The following CAVIN2 variants were observed in gnomAD, a reference collection of about 807,000 sequenced individuals.
CAVIN2 encodes the protein caveolae associated protein 2.
A neutral mutation model predicts 11.7 loss-of-function variants in CAVIN2; 13 were observed. That is an observed-to-expected ratio of 1.11 (90% CI 0.72 to 1.77). The LOEUF (loss-of-function observed/expected upper bound fraction) is 1.77. Among genes scored for constraint, CAVIN2 ranks in the 40% most tolerant of loss-of-function variants. CAVIN2 has a pLI of 0.00. For synonymous variants in CAVIN2, 237 were observed against 223.2 expected, an observed-to-expected ratio of 1.06 and a Z score of -0.55; for missense variants, 549 against 542.9, an observed-to-expected ratio of 1.01 and a Z score of -0.11.
chr2:191,846,628 G>A lies in CAVIN2; in HGVS notation c.298C>T (p.Leu100Phe), dbSNP rs150028543. ...VKGIQNDLTK[L>F]SKYQASTSNT... ...CTGGTGGAGGCCTGGTACTTGGAGA[G>A]CTTGGTGAGGTCATTCTGGATGCCC... The change falls in exon 1 of 2, where the codon CTC becomes TTC. Residue 100 changes from leucine (L) to phenylalanine (F), a missense_variant. Transcript: ENST00000304141. 38 of 1,614,254 alleles carry A rather than the reference G, an allele frequency of 2.4e-5. No homozygotes were observed. Among genetic ancestry groups the A allele is most frequent in the Admixed American group, 5.0e-5 (3 of 60,028 alleles).
intron 1 of CAVIN2, among the ~76,000 whole-genome samples, chr2:191,837,943 C>T (rs1308998925): frequency 2.0e-5 from 3 of 152,140 alleles, no homozygotes; most frequent in African/African-American, 7.2e-5. Flanking sequence ...CAGATATGAA[C>T]AAGAGATTTG....
intron 1 of CAVIN2, among the ~76,000 whole-genome samples, chr2:191,839,749 A>G (rs1388328370): frequency 1.3e-5 from 2 of 152,208 alleles, no homozygotes; most frequent in African/African-American, 4.8e-5. Context: ...TTTTAATTAC[A>G]CAAACAGGAT....
rs776133100 is a variant in CAVIN2, at chr2:191,835,962, G to T, written c.1239C>A (p.Pro413=). 3.1e-6 allele frequency: 5 copies of T among 1,613,790 alleles called. No homozygotes were observed. The South Asian group carries it at 5.5e-5, about 18-fold the overall frequency. The part of the protein sequence containing the change: ...SEEAERSDGD[P]VQPAVLQVHQ... ...GCACCTGGAGCACGGCGGGCTGCAC[G>T]GGGTCCCCATCGGAGCGCTCCGCCT... Residue 413 remains proline (P), a synonymous_variant, in exon 2 of 2, where the codon CCC becomes CCA. Coordinates refer to ENST00000304141, the MANE Select transcript of CAVIN2 (RefSeq NM_004657.6).
At position 191,836,164 on chromosome 2, in the gene CAVIN2, A is replaced by G; in HGVS notation, c.1037T>C (p.Leu346Pro). The change falls in exon 2 of 2, where the codon CTG (leucine) becomes CCG (proline). Residue 346 changes from leucine to proline, a missense_variant. Coordinates refer to ENST00000304141, the MANE Select transcript of CAVIN2 (RefSeq NM_004657.6). ...CTCCTCTGCAATTTCCCCTTCCACC[A>G]GAGCGCTGGCGAGGGACGCTTCGGA... ...GHSEASLASA[L>P]VEGEIAEEAA... is the part of the protein sequence containing the mutation. 2 of 1,614,112 alleles carry G rather than the reference A, an allele frequency of 1.2e-6. No homozygotes were observed.
intron 1 of CAVIN2, among the ~76,000 whole-genome samples, chr2:191,843,717 C>T (rs1038591440): frequency 6.6e-6 from 1 of 152,142 alleles, no homozygotes; most frequent in Admixed American, 6.5e-5. Context: ...TACCCAAGGA[C>T]CATATTTCTA....
In CAVIN2 at chr2:191,846,746, C is replaced by A; in HGVS notation, c.180G>T (p.Thr60=). Residue 60 remains threonine (T), a synonymous_variant, in exon 1 of 2, where the codon ACG becomes ACT. Transcript: ENST00000304141. ...GCATGTTCACCAGCTTGTCCAGGAG[C>A]GTGAGCACCGTGACTGCGTTCACCT... ...NSQVNAVTVL[T]LLDKLVNMLD... 1.2e-6 allele frequency: 2 copies of A among 1,614,190 alleles called. No individual in the cohort carries two copies. Among genetic ancestry groups the A allele is most frequent in the African/African-American group, 1.3e-5 (1 of 75,030 alleles).
chr2:191,838,529 C>T (rs907868311), intron 1 of CAVIN2, among the ~76,000 whole-genome samples: 3 of 152,156 alleles, frequency 2.0e-5, no homozygotes, highest in African/African-American at 7.2e-5. Flanking sequence ...TCCCAAAACT[C>T]TCTCCACACT....
rs1689986137 is a variant in CAVIN2 at position 191,834,697 on chromosome 2, T to G, written c.*1226A>C. The G allele has an allele frequency of 6.6e-6, 1 of 152,134 alleles. No individual in the cohort carries two copies. The highest frequency in any genetic ancestry group is 6.5e-5 in the Admixed American group (1 of 15,280). 9.4% of individuals were successfully genotyped at this position (152,134 alleles called of 1,614,324 possible). A position where few individuals can be genotyped will look rare whatever the true frequency, so the allele number is the denominator to read the frequency against. The stretch of plus-strand genomic sequence containing the variant: ...ATATGTGTACATATACATAAAACGC[T>G]AGCATGCTTTAAGAAGTTAAGAAAT... On this transcript the variant is annotated 3_prime_UTR_variant, in exon 2 of 2. Coordinates refer to ENST00000304141, the MANE Select transcript of CAVIN2 (RefSeq NM_004657.6).
intron 1 of CAVIN2, 42 bp downstream of exon 1, chr2:191,846,401 G>A: frequency 1.3e-6 from 2 of 1,555,572 alleles, no homozygotes; most frequent in Non-Finnish European, 8.7e-7. Flanking sequence ...AGAATGATAA[G>A]GAGTTCCAGC....
chr2:191,845,029 G>A (rs1305334499), intron 1 of CAVIN2, among the ~76,000 whole-genome samples: 1 of 152,192 alleles, frequency 6.6e-6, no homozygotes, highest in Admixed American at 6.5e-5. Context: ...TGGCTTGAGA[G>A]CTGAGATTTC....
intron 1 of CAVIN2, among the ~76,000 whole-genome samples, chr2:191,844,535 C>T (rs73981764): frequency 0.015 from 2,242 of 152,128 alleles, 55 homozygotes; most frequent in African/African-American, 0.052. Flanking sequence ...GAATGGAGTC[C>T]GAGCACATTT....
intron 1 of CAVIN2, among the ~76,000 whole-genome samples, chr2:191,837,610 G>T (rs1690041514): frequency 1.3e-5 from 2 of 152,138 alleles, no homozygotes; most frequent in South Asian, 2.1e-4. Flanking sequence ...GGCAAAGATG[G>T]CTCCTCTTGG....
chr2:191,843,145 T>C (rs1690116483), intron 1 of CAVIN2, among the ~76,000 whole-genome samples: 1 of 152,078 alleles, frequency 6.6e-6, no homozygotes, highest in Non-Finnish European at 1.5e-5. Context: ...GATTCCACCA[T>C]TGCACTCCAG....
intron 1 of CAVIN2, among the ~76,000 whole-genome samples, chr2:191,840,358 G>T (rs769850324): frequency 1.9e-4 from 29 of 152,148 alleles, no homozygotes; most frequent in Non-Finnish European, 3.5e-4. Context: ...TGGTAGTTCT[G>T]CCCAGTAGAG....
chr2:191,836,917 GC>G (rs1690031013), intron 1 of CAVIN2, among the ~76,000 whole-genome samples, 200 bp from the exon 2 acceptor site: 2 of 152,226 alleles, frequency 1.3e-5, no homozygotes, highest in South Asian at 4.1e-4. Flanking sequence ...GCCAAGGGCA[GC>G]CTGTTGGGAA....
intron 1 of CAVIN2, 108 bp downstream of exon 1, chr2:191,846,335 C>T: frequency 7.5e-7 from 1 of 1,328,246 alleles, no homozygotes; most frequent in Non-Finnish European, 1.0e-6. Flanking sequence ...ATGTGTGATC[C>T]CTGACAGGCA....
chr2:191,840,257 C>T (rs1249490821), intron 1 of CAVIN2, among the ~76,000 whole-genome samples: 1 of 152,234 alleles, frequency 6.6e-6, no homozygotes, highest in African/African-American at 2.4e-5. Flanking sequence ...TCTGTCACTG[C>T]TTCCCTGCCC....
In CAVIN2 at chr2:191,842,811, TG is replaced by T. The variant is rs568730600; in HGVS notation, c.483+3631del. The stretch of plus-strand genomic sequence containing the variant: ...AGATGCTTAACAGCTATAACAATGT[TG>T]TAACACTCAGTACAGACTTAAAGAA... On this transcript the variant is annotated intron_variant, in intron 1 of 1. Transcript: ENST00000304141. Among the ~76,000 whole-genome samples, 180 of 152,368 alleles carry T rather than the reference TG, an allele frequency of 1.2e-3. 2 individuals are homozygous for T. The highest frequency in any genetic ancestry group is 4.2e-3 in the African/African-American group (174 of 41,590).
At chr2:191,839,819 A>C (rs116020613) in intron 1 of CAVIN2, among the ~76,000 whole-genome samples, 117 of 152,336 alleles carry the variant, frequency 7.7e-4, no homozygotes, top group Non-Finnish European at 1.5e-3. Flanking sequence ...TCTACTCTGA[A>C]GGTAAGCCCT....
Sources: allele counts gnomAD v4.1 joint callset (sites outside exome capture counted in the v4.1 genomes callset), GRCh38; gene constraint gnomAD v4.1.1; transcripts MANE v1.5; gene names NCBI Gene and HGNC (gene_info 2026-07-23, HGNC 2026-07-21).